The following COL4A3 variants were observed in gnomAD, a reference collection of about 807,000 sequenced individuals.
COL4A3 encodes collagen alpha-3(IV) chain.
A neutral mutation model predicts 217.4 loss-of-function variants in COL4A3; 135 were observed. The ratio of observed to expected loss-of-function variants is 0.62; its 90% CI spans 0.54 to 0.72. The LOEUF is 0.72. Ranked by LOEUF, COL4A3 falls within the 30% of genes least tolerant of loss-of-function variation. The pLI is 0.00. For synonymous variants in COL4A3, 690 were observed against 736.3 expected (o/e 0.94, Z 1.02); for missense variants, 1,868 against 2,119.9 (o/e 0.88, Z 2.33).
chr2:227,265,067 A>T (rs954243085), intron 21 of COL4A3: 2 of 152,256 alleles, frequency 1.3e-5, no homozygotes, highest in Non-Finnish European at 2.9e-5. Flanking sequence ...TCTTACAAGA[A>T]TCAAAGTATT....
intron 1 of COL4A3, among the ~76,000 whole-genome samples, chr2:227,206,406 C>T (rs1321732317): frequency 3.3e-5 from 5 of 152,094 alleles, no homozygotes; most frequent in Non-Finnish European, 7.4e-5. Context: ...AGGAGGTTCT[C>T]GGAAAAATTG....
chr2:227,209,384 G>A lies in COL4A3; in HGVS notation c.88-28584G>A, dbSNP rs114821507. Among the ~76,000 whole-genome samples the A allele has an allele frequency of 8.8e-3, 1,347 of 152,264 alleles. 20 individuals are homozygous for A. Among genetic ancestry groups the A allele is most frequent in the African/African-American group, 0.03 (1,246 of 41,540 alleles). On this transcript the variant is annotated intron_variant, in intron 1 of 51. Transcript: ENST00000396578. Reference sequence around the variant, plus strand: ...AGCAGGCCTGAACCTTTTACTTCTGGACTTTGCTTGTCATCCTCCCTGCCT... The same window carrying A: ...AGCAGGCCTGAACCTTTTACTTCTGAACTTTGCTTGTCATCCTCCCTGCCT...
At position 227,198,383 on chromosome 2, in the gene COL4A3, T is replaced by A. The variant is rs2066562519; in HGVS notation, c.87+33570T>A. On this transcript the variant is annotated intron_variant, in intron 1 of 51. Transcript: ENST00000396578. The stretch of plus-strand genomic sequence containing the variant: ...TTTCCAAATTGTAGCAATACTTATT[T>A]AAAAATTCAAATATAGTATATCATT... Among the ~76,000 whole-genome samples, 8 of 152,176 alleles carry A rather than the reference T, an allele frequency of 5.3e-5. No individual in the cohort carries two copies. The South Asian group carries it at 1.7e-3, about 31-fold the overall frequency.
At chr2:227,222,389 C>T (rs774515931) in intron 1 of COL4A3, 1 of 152,052 alleles carries the variant, frequency 6.6e-6, no homozygotes, top group Non-Finnish European at 1.5e-5. Flanking sequence ...CACCTGCAGG[C>T]TTTGTCCAGA....
intron 20 of COL4A3, among the ~76,000 whole-genome samples, chr2:227,263,223 T>TA (rs1286684227): frequency 6.6e-6 from 1 of 152,226 alleles, no homozygotes; most frequent in South Asian, 2.1e-4. Context: ...TCTCTCTTCT[T>TA]AATAGTTAAA....
intron 1 of COL4A3, among the ~76,000 whole-genome samples, chr2:227,224,527 G>A (rs951446150): frequency 6.6e-6 from 1 of 152,190 alleles, no homozygotes; most frequent in Admixed American, 6.5e-5. Context: ...AAGGCGGGTG[G>A]ATCACCTGAG....
intron 1 of COL4A3, among the ~76,000 whole-genome samples, chr2:227,178,710 TG>T (rs1220575991): frequency 2.0e-5 from 3 of 151,120 alleles, no homozygotes; most frequent in Non-Finnish European, 4.4e-5. Context: ...TTTTTGTTTT[TG>T]TTTTTTTTTT....
intron 37 of COL4A3, among the ~76,000 whole-genome samples, chr2:227,292,271 C>T (rs1559908534): frequency 6.6e-6 from 1 of 152,056 alleles, no homozygotes; most frequent in Non-Finnish European, 1.5e-5. Flanking sequence ...CTACACAGAC[C>T]CAAGAAAGCA....
At chr2:227,172,585 T>C (rs1006354194) in intron 1 of COL4A3, among the ~76,000 whole-genome samples, 6 of 138,744 alleles carry the variant, frequency 4.3e-5, no homozygotes, top group Admixed American at 2.1e-4. Context: ...CTTCTTCTTT[T>C]TTTTTTTTTT....
intron 1 of COL4A3, among the ~76,000 whole-genome samples, chr2:227,236,032 G>A (rs1016598322): frequency 5.3e-5 from 8 of 152,084 alleles, no homozygotes; most frequent in South Asian, 2.1e-4. Context: ...CCTGGGCCTC[G>A]CAAAGTGCTG....
rs182483975 is a variant in COL4A3 at position 227,197,290 on chromosome 2, C to T, written c.87+32477C>T. ...GGAGTGCCGTGGCACAATCTCAGCT[C>T]GCTGCAACCTCCACCTCCCTGGGTT... On this transcript the variant is annotated intron_variant, in intron 1 of 51. Coordinates refer to ENST00000396578, the MANE Select transcript of COL4A3 (RefSeq NM_000091.5). Among the ~76,000 whole-genome samples the T allele has an allele frequency of 1.3e-4, 20 of 152,182 alleles. No individual in the cohort carries two copies. In the South Asian group the frequency reaches 1.9e-3, roughly 14 times the overall value.
intron 37 of COL4A3, among the ~76,000 whole-genome samples, chr2:227,292,714 T>C (rs2072817036): frequency 6.6e-6 from 1 of 152,376 alleles, no homozygotes; most frequent in South Asian, 2.1e-4. Flanking sequence ...TTATTTAGTC[T>C]ATTTCTTTCT....
At chr2:227,257,903 C>T (rs919571002) in intron 18 of COL4A3, among the ~76,000 whole-genome samples, 28 of 152,190 alleles carry the variant, frequency 1.8e-4, no homozygotes, top group African/African-American at 6.5e-4. Context: ...CTAAGCAGCC[C>T]AGGCCCAAGG....
Position 227,290,111 on chromosome 2 carries a change from G to A in COL4A3, c.3070+23G>A, listed in dbSNP as rs759992209. On this transcript the variant is annotated intron_variant, in intron 36 of 51. Coordinates refer to ENST00000396578, the MANE Select transcript of COL4A3 (RefSeq NM_000091.5). ...CAGGTAATGCATAAGGTCCTGTTAT[G>A]AGCCCACAAGCTCATGATGGGTGAG... 1.9e-6 allele frequency: 3 copies of A among 1,605,014 alleles called. No homozygotes were observed. The South Asian group carries it at 3.3e-5, about 18-fold the overall frequency.
At chr2:227,279,259 G>GT (rs2071789302) in intron 28 of COL4A3, among the ~76,000 whole-genome samples, 2 of 134,578 alleles carry the variant, frequency 1.5e-5, no homozygotes, top group East Asian at 2.3e-4. Context: ...TTTTGTTGTT[G>GT]TTTTTTTTGT....
At chr2:227,259,754 A>G (rs181446386) in intron 18 of COL4A3, 39 bp from the exon 19 acceptor site, 1 of 1,419,472 alleles carries the variant, frequency 7.0e-7, no homozygotes, top group Admixed American at 1.7e-5. Flanking sequence ...GTCCATAAAT[A>G]GCTATCCTTT....
chr2:227,255,627 A>G (rs1404157806), intron 15 of COL4A3, among the ~76,000 whole-genome samples: 2 of 152,206 alleles, frequency 1.3e-5, no homozygotes, highest in African/African-American at 4.8e-5. Context: ...AGGAATTACC[A>G]ATATTTCAAA....
In COL4A3 at chr2:227,173,639, C is replaced by T. The variant is rs1001095314; in HGVS notation, c.87+8826C>T. ...AGAAATATAATGTGAGCCATGACTA[C>T]AAGCCTCATATGTCATTTTAAATTT... On this transcript the variant is annotated intron_variant, in intron 1 of 51. Coordinates refer to ENST00000396578, the MANE Select transcript of COL4A3 (RefSeq NM_000091.5). Among the ~76,000 whole-genome samples the T allele has an allele frequency of 2.6e-5, 4 of 152,166 alleles. No individual in the cohort carries two copies. In the South Asian group the frequency reaches 6.2e-4, roughly 24 times the overall value.
chr2:227,205,147 A>T (rs2067053143), intron 1 of COL4A3, among the ~76,000 whole-genome samples: 1 of 152,194 alleles, frequency 6.6e-6, no homozygotes, highest in African/African-American at 2.4e-5. Flanking sequence ...AAGAGCTGAT[A>T]TATTCTTTTA....
Sources: allele counts gnomAD v4.1 joint callset (sites outside exome capture counted in the v4.1 genomes callset), GRCh38; gene constraint gnomAD v4.1.1; transcripts MANE v1.5; gene names NCBI Gene and HGNC (gene_info 2026-07-23, HGNC 2026-07-21).